GRIA1: variants seen among roughly 807,000 people sequenced by gnomAD.
The protein encoded by GRIA1 is glutamate ionotropic receptor AMPA type subunit 1.
A neutral mutation model predicts 99.2 loss-of-function variants in GRIA1; 31 were observed. The observed-to-expected ratio is 0.31, with a 90% CI of 0.23 to 0.42. The LOEUF (loss-of-function observed/expected upper bound fraction) is 0.42, where lower values mean the gene tolerates loss of function less well. GRIA1 is among the 10% of genes least tolerant of loss of function. The probability of loss-of-function intolerance (pLI) is 1.00; values close to 1 mark genes in which losing one functional copy is unlikely to be tolerated. For missense variants in GRIA1, 782 were observed against 1,157.5 expected (o/e 0.68, Z 4.71); for synonymous variants, 438 against 432.4 (o/e 1.01, Z -0.16).
At chr5:153,806,478 G>A (rs1766435429) in intron 15 of GRIA1, among the ~76,000 whole-genome samples, 1 of 152,126 alleles carries the variant, frequency 6.6e-6, no homozygotes. Flanking sequence ...TGTTAGCCAG[G>A]ATGGTCTCGA....
intron 2 of GRIA1, among the ~76,000 whole-genome samples, chr5:153,554,376 A>T (rs6580022): frequency 0.47 from 70,965 of 151,994 alleles, 18,294 homozygotes; most frequent in Non-Finnish European, 0.59. Context: ...TTATCAAAGG[A>T]CTATGTGTAT....
chr5:153,649,066 A>G (rs1216652769), intron 3 of GRIA1, among the ~76,000 whole-genome samples: 2 of 152,206 alleles, frequency 1.3e-5, no homozygotes, highest in Admixed American at 6.5e-5. Context: ...AATGTGAGAA[A>G]GACGACCACC....
intron 13 of GRIA1, among the ~76,000 whole-genome samples, chr5:153,793,149 G>A (rs1407711132): frequency 1.3e-5 from 2 of 152,114 alleles, no homozygotes; most frequent in African/African-American, 4.8e-5. Flanking sequence ...AAATAGCCAA[G>A]GTTCAGCTCT....
chr5:153,775,668 A>G (rs1214390784), intron 13 of GRIA1, among the ~76,000 whole-genome samples: 2 of 152,092 alleles, frequency 1.3e-5, no homozygotes, highest in Admixed American at 1.3e-4. Context: ...CAGTGCTTAA[A>G]TAATGCATCA....
intron 13 of GRIA1, among the ~76,000 whole-genome samples, chr5:153,785,603 T>C (rs1454801335): frequency 1.3e-5 from 2 of 152,208 alleles, no homozygotes; most frequent in Non-Finnish European, 2.9e-5. Flanking sequence ...AATGGAAAAG[T>C]TCCATGTCCT....
intron 11 of GRIA1, among the ~76,000 whole-genome samples, chr5:153,753,219 TA>T (rs1360038021): frequency 6.6e-6 from 1 of 152,220 alleles, no homozygotes; most frequent in Non-Finnish European, 1.5e-5. Context: ...TGAATGTTGT[TA>T]TAAGCTGCTG....
chr5:153,681,572 A>T (rs1214862520), intron 7 of GRIA1, among the ~76,000 whole-genome samples: 1 of 152,146 alleles, frequency 6.6e-6, no homozygotes, highest in Admixed American at 6.5e-5. Flanking sequence ...GGAATTAGGG[A>T]TAGAAGAGCT....
intron 2 of GRIA1, among the ~76,000 whole-genome samples, chr5:153,607,042 GATAT>G (rs59233877): frequency 0.022 from 2,782 of 127,706 alleles, 52 homozygotes; most frequent in Non-Finnish European, 0.034. Context: ...TATCACAAAA[GATAT>G]ATATATATAT....
intron 11 of GRIA1, among the ~76,000 whole-genome samples, chr5:153,757,106 C>A (rs371613283): frequency 2.1e-4 from 32 of 152,034 alleles, no homozygotes; most frequent in African/African-American, 7.7e-4. Flanking sequence ...AGAGAGATTG[C>A]AACAACAAAA....
intron 4 of GRIA1, among the ~76,000 whole-genome samples, chr5:153,654,640 A>G (rs1314351995): frequency 6.6e-6 from 1 of 152,224 alleles, no homozygotes; most frequent in Non-Finnish European, 1.5e-5. Context: ...CCCCACATAA[A>G]AAAACATGAG....
At chr5:153,639,177 C>G (rs1053299879) in intron 2 of GRIA1, among the ~76,000 whole-genome samples, 6 of 152,216 alleles carry the variant, frequency 3.9e-5, no homozygotes, top group African/African-American at 1.4e-4. Context: ...ATGGACTGGA[C>G]TTGAGCTATG....
At chr5:153,775,851 A>T (rs1764206330) in intron 13 of GRIA1, among the ~76,000 whole-genome samples, 1 of 150,100 alleles carries the variant, frequency 6.7e-6, no homozygotes, top group Non-Finnish European at 1.5e-5. Context: ...AAGTGGGGAG[A>T]GGAGGCTTCA....
intron 11 of GRIA1, among the ~76,000 whole-genome samples, chr5:153,737,118 G>C (rs1761431258): frequency 1.3e-5 from 2 of 151,878 alleles, no homozygotes; most frequent in African/African-American, 4.8e-5. Flanking sequence ...GGGTGGATGG[G>C]GAATGTGGTG....
intron 15 of GRIA1, 125 bp from the exon 16 acceptor site, chr5:153,810,900 T>G: frequency 1.4e-6 from 1 of 711,526 alleles, no homozygotes; most frequent in Non-Finnish European, 2.5e-6. Context: ...ATTAGCGTTG[T>G]AGAATAGGAA....
At chr5:153,690,008 T>C (rs1757631051) in intron 8 of GRIA1, among the ~76,000 whole-genome samples, 2 of 152,168 alleles carry the variant, frequency 1.3e-5, no homozygotes, top group Non-Finnish European at 2.9e-5. Context: ...GTGGAGGCAC[T>C]GTAGCAAGAT....
chr5:153,519,269 A>T (rs1756918599), intron 2 of GRIA1, among the ~76,000 whole-genome samples: 1 of 152,004 alleles, frequency 6.6e-6, no homozygotes, highest in Non-Finnish European at 1.5e-5. Context: ...CTCAAAAAAA[A>T]AGGAAAGAAA....
At chr5:153,605,060 A>G (rs1212486728) in intron 2 of GRIA1, among the ~76,000 whole-genome samples, 1 of 151,894 alleles carries the variant, frequency 6.6e-6, no homozygotes, top group African/African-American at 2.4e-5. Flanking sequence ...GGTGGTGCAC[A>G]CCTGTAATCC....
intron 2 of GRIA1, among the ~76,000 whole-genome samples, chr5:153,562,856 C>T (rs987512270): frequency 4.6e-5 from 7 of 152,146 alleles, no homozygotes; most frequent in East Asian, 3.9e-4. Flanking sequence ...AGAGTACTTT[C>T]CAAAGTATAT....
intron 11 of GRIA1, among the ~76,000 whole-genome samples, chr5:153,761,785 G>A (rs1374769941): frequency 6.6e-6 from 1 of 152,072 alleles, no homozygotes. Flanking sequence ...ATCAACAGAT[G>A]AATAGATTTT....
Sources: gnomAD v4.1 joint callset for allele counts (sites outside exome capture counted in the v4.1 genomes callset) on GRCh38, gnomAD v4.1.1 for gene constraint, MANE v1.5 for transcripts, NCBI Gene and HGNC (gene_info 2026-07-23, HGNC 2026-07-21) for gene names.